The following PSMG2 variants were observed in gnomAD, a reference collection of about 807,000 sequenced individuals.
The protein encoded by PSMG2 is proteasome assembly chaperone 2.
PSMG2 carries 21 observed loss-of-function variants against 31.5 expected under a neutral mutation model. The ratio of observed to expected loss-of-function variants is 0.67; its 90% confidence interval spans 0.47 to 0.96. PSMG2 has a LOEUF of 0.96. PSMG2 is among the 40% of genes least tolerant of loss of function. The pLI is 0.00. For synonymous variants in PSMG2, 120 were observed against 110.4 expected (o/e 1.09, Z -0.54); for missense variants, 318 against 321.2 (o/e 0.99, Z 0.08).
intron 1 of PSMG2, among the ~76,000 whole-genome samples, chr18:12,676,857 A>G (rs1416778615): frequency 6.6e-6 from 1 of 152,212 alleles, no homozygotes. Flanking sequence ...AACATGTTTG[A>G]TAAATCAGTT....
intron 1 of PSMG2, among the ~76,000 whole-genome samples, chr18:12,666,045 A>G (rs1406970726): frequency 6.6e-6 from 1 of 151,478 alleles, no homozygotes; most frequent in African/African-American, 2.4e-5. Flanking sequence ...GGCTGGGCAC[A>G]GTGGCTCATA....
At chr18:12,702,631 G>A, upstream of PSMG2, 19 of 1,437,714 alleles carry the variant, frequency 1.3e-5, no homozygotes, top group Non-Finnish European at 1.7e-5. Context: ...GGGAGCGTTA[G>A]GAGCGACTGG....
rs974695058 is a variant in PSMG2 at position 12,671,923 on chromosome 18, C to T, written c.-37+13150C>T. Among the ~76,000 whole-genome samples, 8 of 152,184 alleles carry T rather than the reference C, an allele frequency of 5.3e-5. No individual in the cohort carries two copies. The East Asian group carries it at 1.2e-3, about 22-fold the overall frequency. On this transcript the variant is annotated intron_variant, in intron 1 of 6. Transcript: ENST00000585331. Reference sequence around the variant, plus strand: ...ACAACCTCCGCCTCCCAGGTTCAAGCGATTCTCCTGCCTCAGTCTCCTGAG... The same window carrying T: ...ACAACCTCCGCCTCCCAGGTTCAAGTGATTCTCCTGCCTCAGTCTCCTGAG...
At chr18:12,679,697 C>T (rs1479040151) in intron 1 of PSMG2, among the ~76,000 whole-genome samples, 2 of 152,132 alleles carry the variant, frequency 1.3e-5, no homozygotes, top group African/African-American at 2.4e-5. Flanking sequence ...ATGGTAACCA[C>T]ATCAAATTTT....
At chr18:12,703,034 G>A, upstream of PSMG2, 1 of 1,539,354 alleles carries the variant, frequency 6.5e-7, no homozygotes, top group Non-Finnish European at 8.8e-7. Context: ...CCGGGGTCTC[G>A]GGCTTCCGCC....
intron 1 of PSMG2, among the ~76,000 whole-genome samples, chr18:12,687,541 C>CA (rs2039584651): frequency 2.0e-5 from 3 of 151,206 alleles, no homozygotes; most frequent in Admixed American, 1.3e-4. Flanking sequence ...GCAACCTCCG[C>CA]CCATGGGTTC....
upstream of PSMG2, chr18:12,700,398 C>T (rs2040111084): frequency 6.6e-6 from 1 of 152,608 alleles, no homozygotes; most frequent in Admixed American, 6.5e-5. Context: ...CATTATATTA[C>T]CCAGGTATTG....
chr18:12,702,547 A>G (rs745933045), upstream of PSMG2: 1 of 1,599,256 alleles, frequency 6.3e-7, no homozygotes, highest in Non-Finnish European at 8.5e-7. Context: ...AGGCAGCGAC[A>G]TGCTGGCAGC....
chr18:12,695,498 T>TA (rs1342574214), intron 1 of PSMG2: 1 of 449,154 alleles, frequency 2.2e-6, no homozygotes, highest in East Asian at 3.6e-5. Flanking sequence ...TTAATATTCA[T>TA]ATTAAAATGA....
intron 1 of PSMG2, among the ~76,000 whole-genome samples, chr18:12,696,588 C>A (rs1036922823): frequency 1.3e-5 from 2 of 152,214 alleles, no homozygotes; most frequent in Non-Finnish European, 2.9e-5. Flanking sequence ...AGTTTAAAAA[C>A]CAAAGTAATT....
At chr18:12,668,455 G>C (rs1228709695) in intron 1 of PSMG2, among the ~76,000 whole-genome samples, 1 of 151,298 alleles carries the variant, frequency 6.6e-6, no homozygotes, top group Non-Finnish European at 1.5e-5. Flanking sequence ...ACAAAAATTA[G>C]CTGGGCATAG....
intron 1 of PSMG2, chr18:12,674,841 T>C (rs1598615865): frequency 1.4e-6 from 1 of 706,550 alleles, no homozygotes; most frequent in African/African-American, 1.8e-5. Flanking sequence ...TTTTAATGTA[T>C]ACCAAGAAAA....
At chr18:12,671,305 T>C (rs1446114985) in intron 1 of PSMG2, among the ~76,000 whole-genome samples, 1 of 152,174 alleles carries the variant, frequency 6.6e-6, no homozygotes, top group South Asian at 2.1e-4. Context: ...TCATTTTATT[T>C]GTAGGGGTGA....
intron 1 of PSMG2, among the ~76,000 whole-genome samples, chr18:12,681,422 T>A (rs898102202): frequency 1.3e-5 from 2 of 151,548 alleles, no homozygotes; most frequent in Non-Finnish European, 2.9e-5. Context: ...AATTTTAAAA[T>A]TTTTTTTGTA....
chr18:12,699,165 C>G, upstream of PSMG2: 1 of 1,614,012 alleles, frequency 6.2e-7, no homozygotes, highest in South Asian at 1.1e-5. Context: ...CCACCCAAAA[C>G]CTGAAGGTAA....
intron 1 of PSMG2, among the ~76,000 whole-genome samples, chr18:12,694,589 C>A (rs1189661819): frequency 1.3e-5 from 2 of 152,190 alleles, no homozygotes; most frequent in Non-Finnish European, 2.9e-5. Flanking sequence ...CCTGAGAGAA[C>A]AGAGCAGAAA....
At chr18:12,700,124 A>C (rs2040101885), upstream of PSMG2, 2 of 349,278 alleles carry the variant, frequency 5.7e-6, no homozygotes, top group Non-Finnish European at 1.0e-5. Flanking sequence ...TAAGGAATTA[A>C]ACTGTCTTCA....
chr18:12,702,689 C>T (rs1182693056), upstream of PSMG2: 2 of 919,052 alleles, frequency 2.2e-6, no homozygotes, highest in Non-Finnish European at 3.1e-6. Flanking sequence ...CCGGGGGACG[C>T]AACGCCGCGT....
chr18:12,723,322 A>AAAACATAG (rs2040447969), intron 5 of PSMG2, among the ~76,000 whole-genome samples: 1 of 152,090 alleles, frequency 6.6e-6, no homozygotes, highest in Non-Finnish European at 1.5e-5. Context: ...GTGTATCTCC[A>AAAACATAG]TCTCATCACT....
Sources: gnomAD v4.1 joint callset for allele counts (sites outside exome capture counted in the v4.1 genomes callset) on GRCh38, gnomAD v4.1.1 for gene constraint, MANE v1.5 for transcripts, NCBI Gene and HGNC (gene_info 2026-07-23, HGNC 2026-07-21) for gene names.